The following CSMD1 variants were observed in gnomAD, a reference collection of about 807,000 sequenced individuals.
The protein encoded by CSMD1 is CUB and Sushi multiple domains 1.
A neutral mutation model predicts 417.5 loss-of-function variants in CSMD1; 213 were observed. The ratio of observed to expected loss-of-function variants is 0.51; its 90% CI spans 0.46 to 0.57. CSMD1 has a LOEUF of 0.57. Ranked by LOEUF, CSMD1 falls within the 20% of genes least tolerant of loss-of-function variation. The pLI, the probability that CSMD1 is intolerant of heterozygous loss-of-function variation, is 0.00. For synonymous variants in CSMD1, 2,862 were observed against 1,736.8 expected (o/e 1.65, Z -16.11); for missense variants, 6,923 against 4,529.7 (o/e 1.53, Z -15.17).
At chr8:3,461,150 T>C (rs1026560727) in intron 12 of CSMD1, among the ~76,000 whole-genome samples, 5 of 152,166 alleles carry the variant, frequency 3.3e-5, no homozygotes, top group Non-Finnish European at 7.3e-5. Context: ...CTGAGGCTGC[T>C]AGAGAGGGCT....
intron 33 of CSMD1, among the ~76,000 whole-genome samples, chr8:3,198,894 C>T (rs1056717102): frequency 1.4e-5 from 2 of 145,426 alleles, no homozygotes; most frequent in Non-Finnish European, 3.0e-5. Flanking sequence ...CTGTAGCCTC[C>T]AGCAAAATTG....
At chr8:3,841,530 T>G (rs577748957) in intron 5 of CSMD1, among the ~76,000 whole-genome samples, 105 of 152,264 alleles carry the variant, frequency 6.9e-4, no homozygotes, top group Non-Finnish European at 1.4e-3. Flanking sequence ...TAGGGACTTG[T>G]AAAATTCCAC....
chr8:4,639,498 A>C (rs1453149799), intron 1 of CSMD1, among the ~76,000 whole-genome samples: 1 of 152,198 alleles, frequency 6.6e-6, no homozygotes, highest in Non-Finnish European at 1.5e-5. Flanking sequence ...GCTGTTAAGT[A>C]GCTCGCAAAA....
At chr8:4,810,918 CTGAAATA>C (rs1269716929) in intron 1 of CSMD1, among the ~76,000 whole-genome samples, 2 of 152,202 alleles carry the variant, frequency 1.3e-5, no homozygotes, top group Admixed American at 6.5e-5. Flanking sequence ...GCTACCTCTC[CTGAAATA>C]TGAGATTAAA....
At chr8:3,838,656 AATATATAATAAATTAATATT>A (rs1802870578) in intron 5 of CSMD1, among the ~76,000 whole-genome samples, 2 of 119,550 alleles carry the variant, frequency 1.7e-5, no homozygotes, top group Admixed American at 2.1e-4. Context: ...TATATAGTAT[AATATATAATAAATTAATATT>A]ATATAGTATA....
chr8:4,514,747 G>T (rs1419658773), intron 2 of CSMD1, among the ~76,000 whole-genome samples: 1 of 152,158 alleles, frequency 6.6e-6, no homozygotes, highest in Non-Finnish European at 1.5e-5. Flanking sequence ...AAATATGATT[G>T]TGAACAGTGG....
At chr8:4,950,444 C>G (rs1335291300) in intron 1 of CSMD1, among the ~76,000 whole-genome samples, 1 of 152,054 alleles carries the variant, frequency 6.6e-6, no homozygotes. Context: ...AACGACTCAA[C>G]TTGTGAAAAA....
At position 4,841,481 on chromosome 8, in the gene CSMD1, T is replaced by C. The variant is rs1800831778; in HGVS notation, c.85+152851A>G. Among the ~76,000 whole-genome samples the C allele has an allele frequency of 3.3e-5, 5 of 152,252 alleles. No homozygotes were observed. In the South Asian group the frequency reaches 8.3e-4, roughly 25 times the overall value. On this transcript the variant is annotated intron_variant, in intron 1 of 69. Transcript: ENST00000635120. The stretch of plus-strand genomic sequence containing the variant: ...TAAACGAATAAACTAGCAAAGGAAA[T>C]ACCACTGGACAAGTCACTAAGTTTT...
chr8:4,752,368 T>C (rs79922142), intron 1 of CSMD1, among the ~76,000 whole-genome samples: 1,614 of 152,294 alleles, frequency 0.011, 13 homozygotes, highest in East Asian at 0.053. Flanking sequence ...TCTTGAACAA[T>C]AGATGAAACA....
intron 7 of CSMD1, among the ~76,000 whole-genome samples, chr8:3,671,560 C>CATATAT (rs752837903): frequency 4.6e-4 from 3 of 6,532 alleles, no homozygotes; most frequent in Non-Finnish European, 1.0e-3. Context: ...TATATATGAT[C>CATATAT]ATATATATAT....
In CSMD1 at chr8:4,830,475, T is replaced by C. The variant is rs1199818544; in HGVS notation, c.85+163857A>G. 2.0e-5 allele frequency among the ~76,000 whole-genome samples: 3 copies of C among 152,230 alleles called. No individual in the cohort carries two copies. In the East Asian group the frequency reaches 5.8e-4, roughly 29 times the overall value. On this transcript the variant is annotated intron_variant, in intron 1 of 69. Transcript: ENST00000635120. ...AATGACTTAGGATCTGTCTTTTTGC[T>C]AGATTGTCATCATAGAAGAATCAAG...
At chr8:4,311,487 C>G (rs999820137) in intron 3 of CSMD1, among the ~76,000 whole-genome samples, 1 of 152,030 alleles carries the variant, frequency 6.6e-6, no homozygotes, top group African/African-American at 2.4e-5. Context: ...TTTCAGAAGG[C>G]CAAGTTGGGC....
chr8:4,698,623 G>A (rs1183240104), intron 1 of CSMD1, among the ~76,000 whole-genome samples: 2 of 140,442 alleles, frequency 1.4e-5, no homozygotes, highest in Non-Finnish European at 3.0e-5. Context: ...GTTCTAAGGA[G>A]CAGGAAGTTT....
At chr8:4,260,477 A>C (rs1803800962) in intron 3 of CSMD1, among the ~76,000 whole-genome samples, 1 of 152,182 alleles carries the variant, frequency 6.6e-6, no homozygotes, top group Non-Finnish European at 1.5e-5. Flanking sequence ...AACATTGTTC[A>C]CCTGAAGTAA....
chr8:4,845,920 C>T (rs17071707), intron 1 of CSMD1, among the ~76,000 whole-genome samples: 2 of 152,132 alleles, frequency 1.3e-5, no homozygotes, highest in African/African-American at 4.8e-5. Flanking sequence ...TTACGCTAGC[C>T]TATGAACTTT....
intron 3 of CSMD1, among the ~76,000 whole-genome samples, chr8:4,048,705 G>C (rs953047678): frequency 6.6e-6 from 1 of 152,150 alleles, no homozygotes; most frequent in African/African-American, 2.4e-5. Context: ...TGACACATTT[G>C]GGTGCATTTA....
chr8:4,264,554 G>T (rs994273499), intron 3 of CSMD1, among the ~76,000 whole-genome samples: 2 of 152,022 alleles, frequency 1.3e-5, no homozygotes, highest in African/African-American at 4.8e-5. Flanking sequence ...TGTTTTTAAG[G>T]GTTAGCAAGC....
intron 5 of CSMD1, among the ~76,000 whole-genome samples, chr8:3,914,342 C>G (rs960247197): frequency 6.6e-5 from 10 of 152,042 alleles, no homozygotes; most frequent in Non-Finnish European, 1.3e-4. Flanking sequence ...TAGAGGGTAT[C>G]AGGATGTGTC....
rs141394842 is a variant in CSMD1 at position 4,401,397 on chromosome 8, G to T, written c.415+18556C>A. 1.1e-3 allele frequency among the ~76,000 whole-genome samples: 167 copies of T among 152,228 alleles called. 1 individual carries two copies. Among genetic ancestry groups the T allele is most frequent in the African/African-American group, 3.8e-3 (157 of 41,544 alleles). ...CAAAGAGGTGTATCAGATGTTAGTT[G>T]TTTATGACCACAACTATTTTATATT... On this transcript the variant is annotated intron_variant, in intron 3 of 69. Coordinates refer to ENST00000635120, the MANE Select transcript of CSMD1 (RefSeq NM_033225.6).
Sources: allele counts gnomAD v4.1 joint callset (sites outside exome capture counted in the v4.1 genomes callset), GRCh38; gene constraint gnomAD v4.1.1; transcripts MANE v1.5; gene names NCBI Gene and HGNC (gene_info 2026-07-23, HGNC 2026-07-21).